Variants in PARP4 observed in about 807,000 individuals in gnomAD.
The protein encoded by PARP4 is protein mono-ADP-ribosyltransferase PARP4.
A neutral mutation model predicts 187.7 loss-of-function variants in PARP4; 120 were observed. The observed-to-expected ratio is 0.64, with a 90% CI of 0.55 to 0.74. The LOEUF (loss-of-function observed/expected upper bound fraction) is 0.74, where lower values mean the gene tolerates loss of function less well. Ranked by LOEUF, PARP4 falls within the 30% of genes least tolerant of loss-of-function variation. The pLI is 0.00. For missense variants in PARP4, 1,836 were observed against 2,070.5 expected (o/e 0.89, Z 2.20); for synonymous variants, 654 against 740.9 (o/e 0.88, Z 1.90).
In PARP4 at chr13:24,426,603, A is replaced by G. The variant is rs377673804; in HGVS notation, c.4847-5T>C. The stretch of plus-strand genomic sequence containing the variant: ...GACATTCTCTTCCTTTTACACCTAA[A>G]AGGAAAAAAACTCCGTTAAGTCTGT... On this transcript the variant is annotated splice_region_variant and splice_polypyrimidine_tract_variant and intron_variant, in intron 32 of 33. Coordinates refer to ENST00000381989, the MANE Select transcript of PARP4 (RefSeq NM_006437.4). 1 of 1,608,994 alleles carries G rather than the reference A, an allele frequency of 6.2e-7. No homozygotes were observed.
At chr13:24,432,009 G>C (rs1186776038) in intron 31 of PARP4, among the ~76,000 whole-genome samples, 1 of 152,204 alleles carries the variant, frequency 6.6e-6, no homozygotes, top group Non-Finnish European at 1.5e-5. Context: ...TTACAGGCGT[G>C]AGCCACCATA....
intron 5 of PARP4, 39 bp downstream of exon 5, chr13:24,499,261 GT>G (rs71865467): frequency 0.046 from 58,121 of 1,270,162 alleles, 25 homozygotes; most frequent in East Asian, 0.072. Context: ...AAACAGGTGT[GT>G]TTTTTTTTTT....
intron 14 of PARP4, among the ~76,000 whole-genome samples, 172 bp downstream of exon 14, chr13:24,477,529 T>C (rs1456899451): frequency 6.6e-6 from 1 of 152,202 alleles, no homozygotes; most frequent in African/African-American, 2.4e-5. Context: ...GTTTGACTGA[T>C]GTTAACACTG....
At chr13:24,472,824 T>C (rs1386643589) in intron 15 of PARP4, among the ~76,000 whole-genome samples, 1 of 151,944 alleles carries the variant, frequency 6.6e-6, no homozygotes, top group African/African-American at 2.4e-5. Flanking sequence ...TATTTAATGC[T>C]CTTTCTGAGC....
At chr13:24,495,991 GC>G (rs1187321163) in intron 6 of PARP4, among the ~76,000 whole-genome samples, 1 of 152,118 alleles carries the variant, frequency 6.6e-6, no homozygotes, top group African/African-American at 2.4e-5. Flanking sequence ...ACAGACTCGG[GC>G]TCGCTAAGGG....
At chr13:24,500,265 A>C in intron 4 of PARP4, 51 bp downstream of exon 4, 1 of 1,080,684 alleles carries the variant, frequency 9.3e-7, no homozygotes, top group South Asian at 1.5e-5. Context: ...AGGTTTACAC[A>C]AGATTTTACA....
Position 24,452,507 on chromosome 13 carries a change from G to A in PARP4, c.2913C>T (p.Asn971=). ...GGTGCCCATCAGACACCAGGAGGAT[G>A]TTCCGTGACCCTCGAGCAGGGTACA... The part of the protein sequence containing the change: ...SLLYPARGSR[N]ILLVSDGHLQ... The change falls in exon 24 of 34, where the codon AAC becomes AAT. Residue 971 remains asparagine, a synonymous_variant. Coordinates refer to ENST00000381989, the MANE Select transcript of PARP4 (RefSeq NM_006437.4). 1 of 1,614,116 alleles carries A rather than the reference G, an allele frequency of 6.2e-7. No individual in the cohort carries two copies. The highest frequency in any genetic ancestry group is 8.5e-7 in the Non-Finnish European group (1 of 1,179,966).
At position 24,456,419 on chromosome 13, in the gene PARP4, T is replaced by C; in HGVS notation, c.2484A>G (p.Gly828=). The C allele has an allele frequency of 6.2e-7, 1 of 1,611,946 alleles. No individual in the cohort carries two copies. Among genetic ancestry groups the C allele is most frequent in the South Asian group, 1.1e-5 (1 of 90,988 alleles). ...TMEGSSLDSS[G]FSLHIGLSAA... is the part of the protein sequence containing the mutation. ...CAGACAAACCGATGTGGAGAGAAAA[T>C]CCACTGCTGTCTAAGGAGCTGCCTT... The change falls in exon 21 of 34, where the codon GGA becomes GGG. Residue 828 remains glycine, a synonymous_variant. Coordinates refer to ENST00000381989, the MANE Select transcript of PARP4 (RefSeq NM_006437.4).
Position 24,486,199 on chromosome 13 carries a change from G to A in PARP4, c.1321C>T (p.Pro441Ser), listed in dbSNP as rs1033275753. Residue 441 changes from proline (P) to serine (S), a missense_variant, in exon 11 of 34, where the codon CCT becomes TCT. Pro to Ser is a moderately conservative substitution (Grantham distance 74). Transcript: ENST00000381989. ...GNVRPLLHGS[P>S]VQNIVGILCR... ...AAGATTCCCACGATGTTTTGTACAGGAGAACCATGCAACAAGGGCCTCACA... is the reference window on the plus strand; with the variant it reads ...AAGATTCCCACGATGTTTTGTACAGAAGAACCATGCAACAAGGGCCTCACA... The A allele has an allele frequency of 1.9e-6, 3 of 1,613,684 alleles. No homozygotes were observed. Among genetic ancestry groups the A allele is most frequent in the African/African-American group, 1.3e-5 (1 of 74,914 alleles).
At chr13:24,493,778 G>A (rs372117978) in intron 7 of PARP4, 45 bp from the exon 8 acceptor site, 156 of 1,599,324 alleles carry the variant, frequency 9.8e-5, no homozygotes, top group Admixed American at 1.4e-4. Flanking sequence ...CATCATGTGT[G>A]AGTTTGTGTA....
At chr13:24,459,882 T>G in intron 18 of PARP4, 90 bp downstream of exon 18, 1 of 1,050,822 alleles carries the variant, frequency 9.5e-7, no homozygotes, top group Non-Finnish European at 1.4e-6. Context: ...TTTACATGTT[T>G]TTCTCCCCAG....
At chr13:24,432,502 C>T (rs1389342249) in intron 31 of PARP4, among the ~76,000 whole-genome samples, 1 of 152,112 alleles carries the variant, frequency 6.6e-6, no homozygotes, top group Non-Finnish European at 1.5e-5. Flanking sequence ...ACTTAGCCAC[C>T]ACTCCCAGAA....
chr13:24,445,507 C>A (rs1188196570), intron 27 of PARP4, among the ~76,000 whole-genome samples: 1 of 152,138 alleles, frequency 6.6e-6, no homozygotes, highest in Non-Finnish European at 1.5e-5. Context: ...AAAACCCCAC[C>A]TAAAGGGGTT....
intron 17 of PARP4, among the ~76,000 whole-genome samples, chr13:24,468,426 T>C (rs1220808986): frequency 7.1e-6 from 1 of 141,776 alleles, no homozygotes; most frequent in African/African-American, 2.7e-5. Context: ...TTTTTTGAGA[T>C]GGAGTTTCGC....
rs1868719205 is a variant in PARP4, at chr13:24,492,573, G to A, written c.901C>T (p.Leu301Phe). ...LNDVSKAEGI[L>F]LLVKAALKNG... ...TTCAGTGCTGCCTTTACTAGAAGGA[G>A]AATCCCCTCTGCCTTGCTCACCTTT... Residue 301 changes from leucine (L) to phenylalanine (F), a missense_variant, in exon 9 of 34, where the codon CTC becomes TTC. By Grantham distance (22) the Leu-to-Phe change is conservative. This residue lies in a region of PARP4 where 1,147 missense variants were observed against 1,214.2 expected (regional missense o/e 0.94). Transcript: ENST00000381989. 2 of 1,613,814 alleles carry A rather than the reference G, an allele frequency of 1.2e-6. No homozygotes were observed. Among genetic ancestry groups the A allele is most frequent in the Non-Finnish European group, 1.7e-6 (2 of 1,179,862 alleles).
chr13:24,490,641 A>G, intron 10 of PARP4, 27 bp downstream of exon 10: 1 of 1,571,860 alleles, frequency 6.4e-7, no homozygotes, highest in Non-Finnish European at 8.7e-7. Flanking sequence ...ATTATAACAG[A>G]TCCTGAGATA....
intron 23 of PARP4, 152 bp downstream of exon 23, chr13:24,453,435 A>T: frequency 2.2e-6 from 1 of 463,584 alleles, no homozygotes; most frequent in Non-Finnish European, 3.9e-6. Flanking sequence ...ATGAGTTATC[A>T]TTTTAATTAA....
chr13:24,464,131 C>G (rs998623850), intron 17 of PARP4, among the ~76,000 whole-genome samples: 1 of 152,118 alleles, frequency 6.6e-6, no homozygotes, highest in Non-Finnish European at 1.5e-5. Flanking sequence ...TAAACCACTG[C>G]TCAAGGAAAT....
At chr13:24,481,969 G>C (rs568412030) in intron 12 of PARP4, among the ~76,000 whole-genome samples, 1 of 152,354 alleles carries the variant, frequency 6.6e-6, no homozygotes, top group East Asian at 1.9e-4. Context: ...GAAAGGATTT[G>C]CTATTCTCCT....
Sources: gnomAD v4.1 joint callset for allele counts (sites outside exome capture counted in the v4.1 genomes callset) on GRCh38, gnomAD v4.1.1 for gene constraint, gnomAD v4.1.1 regional missense constraint, MANE v1.5 for transcripts, NCBI Gene and HGNC (gene_info 2026-07-23, HGNC 2026-07-21) for gene names.